PSKH1: variants seen among roughly 807,000 people sequenced by gnomAD.
The protein encoded by PSKH1 is serine/threonine-protein kinase H1.
Under a neutral mutation model 26.7 loss-of-function variants are expected in PSKH1, and 12 were observed. That is an observed-to-expected ratio of 0.45 (90% CI 0.29 to 0.73). The LOEUF is 0.73. Ranked by LOEUF, PSKH1 falls within the 30% of genes least tolerant of loss-of-function variation. The probability of loss-of-function intolerance (pLI) is 0.11; values close to 1 mark genes in which losing one functional copy is unlikely to be tolerated. For synonymous variants in PSKH1, 213 were observed against 234.3 expected (o/e 0.91, Z 0.83); for missense variants, 431 against 595.2 (o/e 0.72, Z 2.87).
At chr16:67,896,441 T>C (rs2058126628) in intron 1 of PSKH1, among the ~76,000 whole-genome samples, 1 of 152,162 alleles carries the variant, frequency 6.6e-6, no homozygotes, top group African/African-American at 2.4e-5. Context: ...GTGTTTGTTC[T>C]TCAGGGTTAG....
At chr16:67,923,057 A>G (rs1379448096) in intron 2 of PSKH1, among the ~76,000 whole-genome samples, 1 of 152,190 alleles carries the variant, frequency 6.6e-6, no homozygotes, top group African/African-American at 2.4e-5. Context: ...GAGCAAACGA[A>G]AAGGGTTGGT....
chr16:67,919,888 GC>G (rs892591660), intron 2 of PSKH1, among the ~76,000 whole-genome samples: 4 of 152,202 alleles, frequency 2.6e-5, no homozygotes, highest in African/African-American at 9.6e-5. Context: ...TGTCACTGCT[GC>G]CCTGGTTGCA....
At position 67,899,366 on chromosome 16, in the gene PSKH1, C is replaced by T. The variant is rs1267396356; in HGVS notation, c.-71+5995C>T. ...TTTTTTTTTTTTTGGAGACGAGTCT[C>T]GCTCTATGGCCCAGGCTGGAGTGCA... On this transcript the variant is annotated intron_variant, in intron 1 of 2. Coordinates refer to ENST00000291041, the MANE Select transcript of PSKH1 (RefSeq NM_006742.3). Among the ~76,000 whole-genome samples the T allele has an allele frequency of 6.4e-5, 9 of 140,582 alleles. No homozygotes were observed. In the East Asian group the frequency reaches 8.3e-4, roughly 13 times the overall value. The allele number at this position is 140,582 out of a possible 152,430, so 92.2% of individuals were successfully genotyped here.
At chr16:67,894,176 A>G (rs2151309094) in intron 1 of PSKH1, among the ~76,000 whole-genome samples, 3 of 152,254 alleles carry the variant, frequency 2.0e-5, no homozygotes. Flanking sequence ...ACTAATTTTG[A>G]GACAAGGCCT....
intron 1 of PSKH1, among the ~76,000 whole-genome samples, chr16:67,898,907 C>T (rs549204675): frequency 7.2e-5 from 11 of 152,216 alleles, no homozygotes; most frequent in African/African-American, 1.7e-4. Context: ...AGGTGTGAGC[C>T]GCTGCGCCCA....
At chr16:67,899,488 A>T (rs1157007213) in intron 1 of PSKH1, among the ~76,000 whole-genome samples, 1 of 151,540 alleles carries the variant, frequency 6.6e-6, no homozygotes, top group Non-Finnish European at 1.5e-5. Context: ...GGCGCCTGCC[A>T]CCACACCGGG....
intron 1 of PSKH1, among the ~76,000 whole-genome samples, chr16:67,900,611 C>T (rs1316864928): frequency 6.6e-6 from 1 of 152,136 alleles, no homozygotes; most frequent in Non-Finnish European, 1.5e-5. Context: ...ATTTGGTCAC[C>T]ACCGTCTGAG....
chr16:67,905,343 T>A (rs964336061), intron 1 of PSKH1, among the ~76,000 whole-genome samples: 3 of 152,158 alleles, frequency 2.0e-5, no homozygotes, highest in Non-Finnish European at 4.4e-5. Context: ...ACCACCAAAC[T>A]GCCCATTCCT....
chr16:67,912,084 A>G (rs2058175001), intron 2 of PSKH1, among the ~76,000 whole-genome samples: 1 of 152,168 alleles, frequency 6.6e-6, no homozygotes, highest in African/African-American at 2.4e-5. Context: ...CCTTGTGGAG[A>G]ACTCAGTCCT....
rs911050115 is a variant in PSKH1, at chr16:67,905,088, A to C, written c.-70-3592A>C. Among the ~76,000 whole-genome samples, 26 of 152,162 alleles carry C rather than the reference A, an allele frequency of 1.7e-4. No homozygotes were observed. In the Middle Eastern group the frequency reaches 0.01, roughly 60 times the overall value. Reference sequence around the variant, plus strand: ...TGATCCACCCGCCTCGGCCTCCCAAAGTGCTGGGATTACAGGCATGAGCCA... The same window carrying C: ...TGATCCACCCGCCTCGGCCTCCCAACGTGCTGGGATTACAGGCATGAGCCA... On this transcript the variant is annotated intron_variant, in intron 1 of 2. Transcript: ENST00000291041.
rs1598189561 is a variant in PSKH1, at chr16:67,909,274, C to T, written c.525C>T (p.Ala175=). The T allele has an allele frequency of 6.2e-7, 1 of 1,614,134 alleles. No homozygotes were observed. The highest frequency in any genetic ancestry group is 8.5e-7 in the Non-Finnish European group (1 of 1,180,022). Residue 175 remains alanine (A), a synonymous_variant, in exon 2 of 3, where the codon GCC becomes GCT. Transcript: ENST00000291041. This position sits in a 1 kb window ranked among gnomAD's most constrained non-coding sequence, Gnocchi z 7.8. The part of the protein sequence containing the change: ...QERVYMVMEL[A]TGGELFDRII... ...GGGTGTACATGGTGATGGAGCTGGC[C>T]ACTGGTGGAGAGCTCTTTGACCGCA... is the stretch of plus-strand genomic sequence containing the variant.
chr16:67,903,053 G>A (rs1218548567), intron 1 of PSKH1: 2 of 152,172 alleles, frequency 1.3e-5, no homozygotes, highest in Non-Finnish European at 2.9e-5. Flanking sequence ...AACTTCCTGT[G>A]CATTTGGGTG....
Position 67,927,662 on chromosome 16 carries a change from A to C in PSKH1, c.*20A>C. 1 of 1,583,150 alleles carries C rather than the reference A, an allele frequency of 6.3e-7. No individual in the cohort carries two copies. Among genetic ancestry groups the C allele is most frequent in the Non-Finnish European group, 8.6e-7 (1 of 1,169,188 alleles). On this transcript the variant is annotated 3_prime_UTR_variant, in exon 3 of 3. Coordinates refer to ENST00000291041, the MANE Select transcript of PSKH1 (RefSeq NM_006742.3). This position sits in a 1 kb window ranked among gnomAD's most constrained non-coding sequence, Gnocchi z 5.5. ...GGCTGAGCCGCCTGGCTGTGCACAC[A>C]TGCAGCACGACCCAGCCTGGCCACA...
At chr16:67,924,274 C>T (rs527338743) in intron 2 of PSKH1, among the ~76,000 whole-genome samples, 1 of 152,368 alleles carries the variant, frequency 6.6e-6, no homozygotes, top group East Asian at 1.9e-4. Flanking sequence ...ATGAGTCCAT[C>T]TGCATTCTGC....
At chr16:67,903,438 C>T (rs1420904895) in intron 1 of PSKH1, among the ~76,000 whole-genome samples, 3 of 152,146 alleles carry the variant, frequency 2.0e-5, no homozygotes, top group Non-Finnish European at 4.4e-5. Context: ...AGGCATGAGC[C>T]ACTATGCCCC....
chr16:67,909,080 C>T lies in PSKH1; in HGVS notation c.331C>T (p.Arg111Ter), dbSNP rs775455575. 1 of 1,614,148 alleles carries T rather than the reference C, an allele frequency of 6.2e-7. No individual in the cohort carries two copies. The highest frequency in any genetic ancestry group is 8.5e-7 in the Non-Finnish European group (1 of 1,180,036). Residue 111 changes from arginine (R) to a stop codon, truncating the protein, a stop_gained, in exon 2 of 3, where the codon CGA becomes TGA. Transcript: ENST00000291041. LOFTEE classifies it high-confidence loss of function. The surrounding 1 kb of genome is among the most constrained non-coding windows in gnomAD (Gnocchi z 7.8). ...KALIGRGSFS[R>*]VVRVEHRATR... ...CCTAATTGGCCGAGGCAGCTTCAGCCGAGTGGTACGTGTAGAGCACCGGGC... is the reference window on the plus strand; with the variant it reads ...CCTAATTGGCCGAGGCAGCTTCAGCTGAGTGGTACGTGTAGAGCACCGGGC...
Position 67,919,700 on chromosome 16 carries a change from G to A in PSKH1, c.958-7625G>A, listed in dbSNP as rs184792887. Among the ~76,000 whole-genome samples, 70 of 152,378 alleles carry A rather than the reference G, an allele frequency of 4.6e-4. 1 individual carries two copies. The East Asian group carries it at 0.013, about 28-fold the overall frequency. On this transcript the variant is annotated intron_variant, in intron 2 of 2. Transcript: ENST00000291041. ...ACTGGATGGAGGCAGTGGACCCTCA[G>A]TTGGTCACTGTGGCTGGGGACCTGC... is the stretch of plus-strand genomic sequence containing the variant.
intron 2 of PSKH1, among the ~76,000 whole-genome samples, chr16:67,920,974 G>T (rs1364083426): frequency 6.7e-6 from 1 of 148,380 alleles, no homozygotes. Flanking sequence ...AATTAGGATG[G>T]GAGGAAGTTA....
chr16:67,928,703 A>ATG lies in PSKH1; in HGVS notation c.*1061_*1062insTG, dbSNP rs2058227522. On this transcript the variant is annotated 3_prime_UTR_variant, in exon 3 of 3. Transcript: ENST00000291041. The surrounding 1 kb of genome is among the most constrained non-coding windows in gnomAD (Gnocchi z 4.8). ...TTGGCAGCCTGGGAGTGATCACTGCACGCCCATCGTGCACACCTGCCCATC... is the reference window on the plus strand; with the variant it reads ...TTGGCAGCCTGGGAGTGATCACTGCATGCGCCCATCGTGCACACCTGCCCATC... 1.3e-5 allele frequency: 2 copies of ATG among 152,026 alleles called. No individual in the cohort carries two copies. The highest frequency in any genetic ancestry group is 2.9e-5 in the Non-Finnish European group (2 of 68,024). The allele number at this position is 152,026 out of a possible 1,614,324, so 9.4% of individuals were successfully genotyped here.
Sources: allele counts gnomAD v4.1 joint callset (sites outside exome capture counted in the v4.1 genomes callset), GRCh38; gene constraint gnomAD v4.1.1; non-coding constraint Gnocchi (gnomAD v3.1); transcripts MANE v1.5; gene names NCBI Gene and HGNC (gene_info 2026-07-23, HGNC 2026-07-21).